The following RC3H1 variants were observed in gnomAD, a reference collection of about 807,000 sequenced individuals.
RC3H1 encodes roquin-1.
Under a neutral mutation model 138.2 loss-of-function variants are expected in RC3H1, and 50 were observed. The observed-to-expected ratio is 0.36, with a 90% CI of 0.29 to 0.46. The LOEUF is 0.46. Ranked by LOEUF, RC3H1 falls within the 20% of genes least tolerant of loss-of-function variation. The pLI, the probability that RC3H1 is intolerant of heterozygous loss-of-function variation, is 1.00. For missense variants in RC3H1, 1,031 were observed against 1,388.1 expected, an observed-to-expected ratio of 0.74 and a Z score of 4.09; for synonymous variants, 462 against 489.1, an observed-to-expected ratio of 0.94 and a Z score of 0.73.
At chr1:173,953,822 T>G (rs1252331953) in intron 13 of RC3H1, among the ~76,000 whole-genome samples, 4 of 151,984 alleles carry the variant, frequency 2.6e-5, no homozygotes, top group African/African-American at 9.7e-5. Context: ...GCAGACCACC[T>G]GAGGTCGGGA....
chr1:173,991,063 C>A (rs751074895), intron 2 of RC3H1, among the ~76,000 whole-genome samples: 10 of 152,142 alleles, frequency 6.6e-5, no homozygotes, highest in South Asian at 2.1e-4. Flanking sequence ...AACCCTGTCT[C>A]GACTAAAAAT....
chr1:173,933,252 C>T lies in RC3H1; in HGVS notation c.*5469G>A, dbSNP rs1188771142. On this transcript the variant is annotated 3_prime_UTR_variant, in exon 20 of 20. Coordinates refer to ENST00000367696, the MANE Select transcript of RC3H1 (RefSeq NM_172071.4). ...AGAAATTCAGTGTTTGGCTGAAAAT[C>T]CAGAGGCTCTGAAAACAAGGATTCC... is the stretch of plus-strand genomic sequence containing the variant. 2 of 151,980 alleles carry T rather than the reference C, an allele frequency of 1.3e-5. No homozygotes were observed. Among genetic ancestry groups the T allele is most frequent in the Admixed American group, 6.6e-5 (1 of 15,248 alleles). 9.4% of individuals were successfully genotyped at this position (151,980 alleles called of 1,614,324 possible).
At chr1:173,987,934 C>T (rs1661097437) in intron 2 of RC3H1, among the ~76,000 whole-genome samples, 1 of 152,192 alleles carries the variant, frequency 6.6e-6, no homozygotes, top group Non-Finnish European at 1.5e-5. Context: ...ACTTACTTAA[C>T]TGTTCAATTC....
At chr1:173,953,217 CTACT>C (rs1004479351) in intron 13 of RC3H1, among the ~76,000 whole-genome samples, 1 of 152,016 alleles carries the variant, frequency 6.6e-6, no homozygotes, top group Admixed American at 6.6e-5. Context: ...TATTTTTCTT[CTACT>C]TACTAACTTT....
At chr1:173,948,201 G>T (rs1301467973) in intron 14 of RC3H1, among the ~76,000 whole-genome samples, 2 of 152,126 alleles carry the variant, frequency 1.3e-5, no homozygotes, top group East Asian at 3.8e-4. Context: ...CAAAAAACAG[G>T]AGATTCACAG....
chr1:173,995,242 G>A (rs1250286707), intron 1 of RC3H1, among the ~76,000 whole-genome samples: 1 of 152,020 alleles, frequency 6.6e-6, no homozygotes, highest in African/African-American at 2.4e-5. Context: ...ATAGAATATA[G>A]TAGAGATGAG....
chr1:173,943,244 CAAAG>C (rs1239054372), intron 18 of RC3H1, among the ~76,000 whole-genome samples, 194 bp downstream of exon 18: 1 of 152,058 alleles, frequency 6.6e-6, no homozygotes, highest in African/African-American at 2.4e-5. Context: ...AATTATAAGA[CAAAG>C]AACACACCCA....
In RC3H1 at chr1:173,932,516, C is replaced by T. The variant is rs1658421541; in HGVS notation, c.*6205G>A. On this transcript the variant is annotated 3_prime_UTR_variant, in exon 20 of 20. Transcript: ENST00000367696. Reference sequence around the variant, plus strand: ...TAATCATAAAGAAAGATAATGAGACCTGTGGACTAATTAATTTTTTTAAAA... The same window carrying T: ...TAATCATAAAGAAAGATAATGAGACTTGTGGACTAATTAATTTTTTTAAAA... The T allele has an allele frequency of 1.3e-5, 2 of 151,986 alleles. No individual in the cohort carries two copies. The highest frequency in any genetic ancestry group is 2.9e-5 in the Non-Finnish European group (2 of 67,978). The allele number at this position is 151,986 out of a possible 1,614,324, so 9.4% of individuals were successfully genotyped here. A position where few individuals can be genotyped will look rare whatever the true frequency, so the allele number is the denominator to read the frequency against.
At chr1:173,965,410 G>A (rs1234070935) in intron 9 of RC3H1, among the ~76,000 whole-genome samples, 1 of 152,072 alleles carries the variant, frequency 6.6e-6, no homozygotes, top group African/African-American at 2.4e-5. Context: ...GGCCAACATG[G>A]TGAAGCTCCG....
Position 173,964,819 on chromosome 1 carries a change from G to A in RC3H1, c.1616+20C>T, listed in dbSNP as rs1660034965. On this transcript the variant is annotated intron_variant, in intron 10 of 19. Coordinates refer to ENST00000367696, the MANE Select transcript of RC3H1 (RefSeq NM_172071.4). Reference sequence around the variant, plus strand: ...TTATGAAGAAGAAATTTTGAAATAAGAGTTAGAAAAATGACGTACAGGTCA... The same window carrying A: ...TTATGAAGAAGAAATTTTGAAATAAAAGTTAGAAAAATGACGTACAGGTCA... 1.9e-6 allele frequency: 3 copies of A among 1,586,634 alleles called. No individual in the cohort carries two copies. Among genetic ancestry groups the A allele is most frequent in the Middle Eastern group, 1.7e-4 (1 of 5,860 alleles).
intron 1 of RC3H1, among the ~76,000 whole-genome samples, chr1:174,016,748 A>C (rs1661870368): frequency 6.6e-6 from 1 of 152,006 alleles, no homozygotes; most frequent in East Asian, 1.9e-4. Flanking sequence ...CAATTAGATA[A>C]AGTACCATTT....
intron 7 of RC3H1, among the ~76,000 whole-genome samples, chr1:173,972,839 C>G (rs1660422862): frequency 6.6e-6 from 1 of 152,112 alleles, no homozygotes; most frequent in South Asian, 2.1e-4. Context: ...ACCATAGGAA[C>G]AAGAAAGGTA....
chr1:173,958,556 A>C (rs1221389347), intron 13 of RC3H1, among the ~76,000 whole-genome samples: 1 of 152,134 alleles, frequency 6.6e-6, no homozygotes, highest in Non-Finnish European at 1.5e-5. Flanking sequence ...ACAAAACAAA[A>C]AAAAAAAAGT....
chr1:174,019,294 G>C (rs1357915737), intron 1 of RC3H1, among the ~76,000 whole-genome samples: 1 of 152,154 alleles, frequency 6.6e-6, no homozygotes, highest in Admixed American at 6.5e-5. Flanking sequence ...AATGATAATA[G>C]GGTAAGTTCA....
intron 9 of RC3H1, among the ~76,000 whole-genome samples, chr1:173,965,972 C>T (rs1393867569): frequency 6.6e-6 from 1 of 152,028 alleles, no homozygotes; most frequent in African/African-American, 2.4e-5. Flanking sequence ...GAAACCTTGT[C>T]TTTACCAAAA....
At chr1:174,007,836 A>T (rs1661681178) in intron 1 of RC3H1, among the ~76,000 whole-genome samples, 1 of 152,206 alleles carries the variant, frequency 6.6e-6, no homozygotes, top group Non-Finnish European at 1.5e-5. Context: ...TCCAGTTAAA[A>T]TGATCACAGT....
At chr1:174,015,548 G>A (rs748470636) in intron 1 of RC3H1, among the ~76,000 whole-genome samples, 15 of 151,808 alleles carry the variant, frequency 9.9e-5, no homozygotes, top group Non-Finnish European at 1.6e-4. Context: ...TGTATTTTTA[G>A]TAGAGATGGG....
At chr1:174,001,996 T>G (rs1056180250) in intron 1 of RC3H1, among the ~76,000 whole-genome samples, 2 of 152,180 alleles carry the variant, frequency 1.3e-5, no homozygotes, top group Non-Finnish European at 2.9e-5. Context: ...TTTTACAAAA[T>G]TGTTTGCTTT....
chr1:173,949,128 T>TG (rs1659268267), intron 14 of RC3H1, among the ~76,000 whole-genome samples: 9 of 59,300 alleles, frequency 1.5e-4, no homozygotes, highest in African/African-American at 3.6e-4. Flanking sequence ...CTCTATTTTT[T>TG]TGGGGGGGGG....
Sources: allele counts gnomAD v4.1 joint callset (sites outside exome capture counted in the v4.1 genomes callset), GRCh38; gene constraint gnomAD v4.1.1; transcripts MANE v1.5; gene names NCBI Gene and HGNC (gene_info 2026-07-23, HGNC 2026-07-21).